The following ANKRD11 variants were observed in gnomAD, a reference collection of about 807,000 sequenced individuals.
ANKRD11 encodes the protein ankyrin repeat domain-containing protein 11.
A neutral mutation model predicts 195.7 loss-of-function variants in ANKRD11; 17 were observed. The observed-to-expected ratio is 0.09, with a 90% CI of 0.06 to 0.13. The LOEUF (loss-of-function observed/expected upper bound fraction) is 0.13. ANKRD11 is among the 10% of genes least tolerant of loss of function. The pLI, the probability that ANKRD11 is intolerant of heterozygous loss-of-function variation, is 1.00. For synonymous variants in ANKRD11, 1,953 were observed against 1,528.1 expected, an observed-to-expected ratio of 1.28 and a Z score of -6.49; for missense variants, 3,735 against 3,566.1, an observed-to-expected ratio of 1.05 and a Z score of -1.21.
chr16:89,382,095 G>C (rs1447369392), intron 2 of ANKRD11, among the ~76,000 whole-genome samples: 1 of 152,222 alleles, frequency 6.6e-6, no homozygotes, highest in African/African-American at 2.4e-5. Context: ...GGCGCCACCA[G>C]AACGGGCGAG....
intron 2 of ANKRD11, among the ~76,000 whole-genome samples, chr16:89,317,550 T>G (rs1208557156): frequency 6.6e-6 from 1 of 152,194 alleles, no homozygotes; most frequent in African/African-American, 2.4e-5. Flanking sequence ...ACTCACCACC[T>G]GGGAAGGAGC....
chr16:89,464,613 AAAAAAAAAAAGAAAAG>A (rs1398688640), intron 1 of ANKRD11, among the ~76,000 whole-genome samples: 4 of 151,482 alleles, frequency 2.6e-5, no homozygotes, highest in African/African-American at 9.7e-5. Context: ...ATCTTAAAAA[AAAAAAAAAAAGAAAAG>A]AAAAGAAAAA....
rs2034626691 is a variant in ANKRD11 at position 89,286,111 on chromosome 16, C to T, written c.820G>A (p.Ala274Thr). The T allele has an allele frequency of 6.2e-7, 1 of 1,614,084 alleles. No individual in the cohort carries two copies. Among genetic ancestry groups the T allele is most frequent in the Non-Finnish European group, 8.5e-7 (1 of 1,180,050 alleles). ...AGGTTCACCATCGTGGGGGAGTTGG[C>T]CACTTTCAGCGGCGTCTCGCCTTTC... ...NRKGETPLKV[A>T]NSPTMVNLLL... Residue 274 changes from alanine to threonine, a missense_variant, in exon 8 of 13, where the codon GCC becomes ACC. Transcript: ENST00000301030.
intron 2 of ANKRD11, among the ~76,000 whole-genome samples, chr16:89,338,509 A>C (rs2038491559): frequency 6.6e-6 from 1 of 151,266 alleles, no homozygotes; most frequent in African/African-American, 2.4e-5. Flanking sequence ...GCGGGCAATC[A>C]CCTGAGGTCA....
intron 2 of ANKRD11, among the ~76,000 whole-genome samples, chr16:89,386,560 C>T (rs2152117082): frequency 6.6e-6 from 1 of 152,330 alleles, no homozygotes; most frequent in South Asian, 2.1e-4. Context: ...CCGCAACGAC[C>T]TTGCATCCTG....
chr16:89,482,232 A>G (rs1172054607), intron 1 of ANKRD11, among the ~76,000 whole-genome samples: 1 of 152,172 alleles, frequency 6.6e-6, no homozygotes, highest in East Asian at 1.9e-4. Context: ...CTCCCACTGT[A>G]GAGCACACTG....
chr16:89,277,249 T>A (rs1407348026), intron 9 of ANKRD11, among the ~76,000 whole-genome samples: 1 of 152,104 alleles, frequency 6.6e-6, no homozygotes, highest in Non-Finnish European at 1.5e-5. Flanking sequence ...CTCAAGCGAA[T>A]GCACAGCCCA....
intron 2 of ANKRD11, among the ~76,000 whole-genome samples, chr16:89,350,627 G>A (rs1282136447): frequency 1.3e-5 from 2 of 152,182 alleles, no homozygotes; most frequent in Non-Finnish European, 2.9e-5. Context: ...TCAGCATCCT[G>A]GGTCCAGGAA....
At chr16:89,335,678 C>A (rs1210480733) in intron 2 of ANKRD11, among the ~76,000 whole-genome samples, 1 of 152,190 alleles carries the variant, frequency 6.6e-6, no homozygotes, top group East Asian at 1.9e-4. Context: ...CTCAGCTGAG[C>A]CCTCAGGACA....
chr16:89,291,287 C>T lies in ANKRD11; in HGVS notation c.227-104G>A. ...TACGGAGCCCCCTGCGTCCACCTGA[C>T]AGCTGACAGAGCAGAAAGGAAGGTC... On this transcript the variant is annotated intron_variant, in intron 4 of 12. Transcript: ENST00000301030. This position sits in a 1 kb window ranked among gnomAD's most constrained non-coding sequence, Gnocchi z 5.3. 1 of 1,407,008 alleles carries T rather than the reference C, an allele frequency of 7.1e-7. No homozygotes were observed. Among genetic ancestry groups the T allele is most frequent in the Non-Finnish European group, 9.8e-7 (1 of 1,020,242 alleles). The allele number at this position is 1,407,008 out of a possible 1,614,324, so 87.2% of individuals were successfully genotyped here.
intron 2 of ANKRD11, among the ~76,000 whole-genome samples, chr16:89,357,676 C>A (rs1284576483): frequency 6.6e-6 from 1 of 152,198 alleles, no homozygotes; most frequent in Non-Finnish European, 1.5e-5. Flanking sequence ...CGCGACTCAG[C>A]CCTAACGAGG....
chr16:89,327,185 C>A (rs1032753465), intron 2 of ANKRD11, among the ~76,000 whole-genome samples: 19 of 152,176 alleles, frequency 1.2e-4, no homozygotes, highest in African/African-American at 4.3e-4. Flanking sequence ...AATCAGTCAA[C>A]GTCACCCAGC....
chr16:89,410,701 C>G (rs886848933), intron 2 of ANKRD11, among the ~76,000 whole-genome samples: 2 of 152,212 alleles, frequency 1.3e-5, no homozygotes, highest in African/African-American at 4.8e-5. Context: ...TTTAGCAAAA[C>G]GTCAACGATA....
At chr16:89,462,968 G>A (rs1254387843) in intron 1 of ANKRD11, among the ~76,000 whole-genome samples, 9 of 148,976 alleles carry the variant, frequency 6.0e-5, no homozygotes, top group African/African-American at 2.0e-4. Flanking sequence ...CAGCCCCCCC[G>A]CCAGGCCAGC....
At chr16:89,362,019 AG>A (rs1567700361) in intron 2 of ANKRD11, among the ~76,000 whole-genome samples, 1 of 152,202 alleles carries the variant, frequency 6.6e-6, no homozygotes, top group African/African-American at 2.4e-5. Flanking sequence ...AATTTATGGG[AG>A]GGGGCAAGAC....
rs569598074 is a variant in ANKRD11 at position 89,275,914 on chromosome 16, C to A, written c.7471-723G>T. On this transcript the variant is annotated intron_variant, in intron 9 of 12. Coordinates refer to ENST00000301030, the MANE Select transcript of ANKRD11 (RefSeq NM_013275.6). ...ACAGGAGCGGGGAGCCAGGCTGAGCCCCGCAGTGCAGCAGAGACCTCAGGC... is the reference window on the plus strand; with the variant it reads ...ACAGGAGCGGGGAGCCAGGCTGAGCACCGCAGTGCAGCAGAGACCTCAGGC... Among the ~76,000 whole-genome samples, 5 of 152,298 alleles carry A rather than the reference C, an allele frequency of 3.3e-5. No individual in the cohort carries two copies. The East Asian group carries it at 7.7e-4, about 24-fold the overall frequency.
At chr16:89,405,270 C>T (rs1479550844) in intron 2 of ANKRD11, among the ~76,000 whole-genome samples, 1 of 152,148 alleles carries the variant, frequency 6.6e-6, no homozygotes, top group Non-Finnish European at 1.5e-5. Flanking sequence ...AATGCCGTTA[C>T]GTGGGGCATG....
chr16:89,410,070 A>G (rs935329684), intron 2 of ANKRD11, among the ~76,000 whole-genome samples: 1 of 152,058 alleles, frequency 6.6e-6, no homozygotes, highest in Non-Finnish European at 1.5e-5. Flanking sequence ...CGATCTCCTG[A>G]CCTCGTGATC....
In ANKRD11 at chr16:89,484,067, G is replaced by A. The variant is rs145110541; in HGVS notation, c.-145+6178C>T. On this transcript the variant is annotated intron_variant, in intron 1 of 12. Coordinates refer to ENST00000301030, the MANE Select transcript of ANKRD11 (RefSeq NM_013275.6). Reference sequence around the variant, plus strand: ...ACTACAAGCTCTCGAGACGCTCTTCGGCTGCCTGAAAGCTGGATTTCTTCT... The same window carrying A: ...ACTACAAGCTCTCGAGACGCTCTTCAGCTGCCTGAAAGCTGGATTTCTTCT... 1.3e-3 allele frequency among the ~76,000 whole-genome samples: 202 copies of A among 152,208 alleles called. 1 individual carries two copies. Among genetic ancestry groups the A allele is most frequent in the African/African-American group, 4.6e-3 (192 of 41,528 alleles).
Sources: allele counts gnomAD v4.1 joint callset (sites outside exome capture counted in the v4.1 genomes callset), GRCh38; gene constraint gnomAD v4.1.1; non-coding constraint Gnocchi (gnomAD v3.1); transcripts MANE v1.5; gene names NCBI Gene and HGNC (gene_info 2026-07-23, HGNC 2026-07-21).